Variants in TGFBR3 observed in about 807,000 individuals in gnomAD.
TGFBR3 encodes transforming growth factor beta receptor type 3.
TGFBR3 carries 46 observed loss-of-function variants against 87.9 expected under a neutral mutation model. The ratio of observed to expected loss-of-function variants is 0.52; its 90% CI spans 0.41 to 0.67. TGFBR3 has a LOEUF of 0.67. Ranked by LOEUF, TGFBR3 falls within the 30% of genes least tolerant of loss-of-function variation. The pLI is 0.00. For missense variants in TGFBR3, 866 were observed against 1,041.9 expected, an observed-to-expected ratio of 0.83 and a Z score of 2.32; for synonymous variants, 381 against 391.6, an observed-to-expected ratio of 0.97 and a Z score of 0.32.
intron 4 of TGFBR3, among the ~76,000 whole-genome samples, chr1:91,751,781 T>C (rs1339499519): frequency 1.3e-5 from 2 of 152,258 alleles, no homozygotes; most frequent in African/African-American, 4.8e-5. Flanking sequence ...GATTTGTTTT[T>C]AATCCAAAGC....
intron 1 of TGFBR3, among the ~76,000 whole-genome samples, chr1:91,902,269 TTTTG>T (rs1284948348): frequency 3.9e-5 from 1 of 25,540 alleles, no homozygotes; most frequent in Non-Finnish European, 1.4e-4. Context: ...TTTCCTTTTC[TTTTG>T]TGTGTGTGTG....
intron 2 of TGFBR3, among the ~76,000 whole-genome samples, chr1:91,897,944 T>C (rs555514132): frequency 6.6e-6 from 1 of 152,006 alleles, no homozygotes; most frequent in African/African-American, 2.4e-5. Context: ...TCCCAGGACT[T>C]TGGGAGCCCG....
chr1:91,877,675 A>C (rs1678857346), intron 1 of TGFBR3, among the ~76,000 whole-genome samples: 1 of 152,244 alleles, frequency 6.6e-6, no homozygotes, highest in Non-Finnish European at 1.5e-5. Flanking sequence ...AAATGCAACA[A>C]GTAGGTCATC....
chr1:91,902,776 A>G (rs1316773229), intron 1 of TGFBR3, among the ~76,000 whole-genome samples: 1 of 151,994 alleles, frequency 6.6e-6, no homozygotes, highest in Non-Finnish European at 1.5e-5. Flanking sequence ...CAACATGAAA[A>G]CAAGGCATTT....
intron 16 of TGFBR3, among the ~76,000 whole-genome samples, chr1:91,685,403 A>G (rs1401202349): frequency 6.8e-6 from 1 of 146,252 alleles, no homozygotes; most frequent in Middle Eastern, 3.2e-3. Flanking sequence ...GCTCACTGCA[A>G]CCTCCACCCC....
chr1:91,898,008 C>G (rs1679587011), intron 2 of TGFBR3, among the ~76,000 whole-genome samples: 1 of 149,040 alleles, frequency 6.7e-6, no homozygotes, highest in Non-Finnish European at 1.5e-5. Context: ...GGCAATATAG[C>G]AAGACCTCAG....
chr1:91,739,400 G>A (rs1673074400), intron 4 of TGFBR3, among the ~76,000 whole-genome samples: 2 of 152,236 alleles, frequency 1.3e-5, no homozygotes, highest in South Asian at 4.1e-4. Flanking sequence ...TAAATGCAAA[G>A]TCTTATAGTT....
chr1:91,740,805 C>T (rs1461164049), intron 4 of TGFBR3, among the ~76,000 whole-genome samples: 1 of 152,152 alleles, frequency 6.6e-6, no homozygotes, highest in African/African-American at 2.4e-5. Context: ...ATTTTCATGG[C>T]ATAGCACCCT....
intron 1 of TGFBR3, among the ~76,000 whole-genome samples, chr1:91,868,079 G>A (rs1244425421): frequency 1.3e-5 from 2 of 152,150 alleles, no homozygotes; most frequent in African/African-American, 2.4e-5. Flanking sequence ...CACCACGCCT[G>A]GCTAATTTTT....
chr1:91,874,858 TG>T (rs1678721836), intron 1 of TGFBR3, among the ~76,000 whole-genome samples: 1 of 152,138 alleles, frequency 6.6e-6, no homozygotes, highest in South Asian at 2.1e-4. Context: ...TTCTGGCTAT[TG>T]GGTGGGAACT....
intron 1 of TGFBR3, among the ~76,000 whole-genome samples, chr1:91,901,854 A>C (rs1397015461): frequency 6.6e-6 from 1 of 151,290 alleles, no homozygotes. Context: ...TTGAGGCTGC[A>C]GTGAGCTATA....
At position 91,715,559 on chromosome 1, in the gene TGFBR3, A is replaced by G. The variant is rs541212064; in HGVS notation, c.1866+677T>C. On this transcript the variant is annotated intron_variant, in intron 12 of 16. Transcript: ENST00000212355. ...GTTTGGCACATAATAAATCTGCAGC[A>G]AATGTTAGATGTTGTTATTTCATTA... Among the ~76,000 whole-genome samples, 4 of 152,348 alleles carry G rather than the reference A, an allele frequency of 2.6e-5. No homozygotes were observed. The East Asian group carries it at 7.7e-4, about 29-fold the overall frequency.
chr1:91,720,225 C>G lies in TGFBR3; in HGVS notation c.1081G>C (p.Glu361Gln), dbSNP rs752598480. 6.3e-7 allele frequency: 1 copy of G among 1,589,924 alleles called. No individual in the cohort carries two copies. Among genetic ancestry groups the G allele is most frequent in the South Asian group, 1.1e-5 (1 of 88,626 alleles). Residue 361 changes from glutamate (E) to glutamine (Q), a missense_variant, in exon 9 of 17, where the codon GAG (glutamate) becomes CAG (glutamine). Physicochemically the swap from Glu to Gln is conservative, Grantham distance 29. Coordinates refer to ENST00000212355, the MANE Select transcript of TGFBR3 (RefSeq NM_003243.5). ...FHLRLENNAE[E>Q]MGDEEVHTIP... ...GTGTGGACTTCCTCATCTCCCATCT[C>G]CTCTGCTGGTGAAAGAAGAAGGCAA... is the stretch of plus-strand genomic sequence containing the variant.
chr1:91,806,876 T>C (rs1025745121), intron 2 of TGFBR3, among the ~76,000 whole-genome samples: 24 of 152,336 alleles, frequency 1.6e-4, no homozygotes, highest in Admixed American at 4.6e-4. Context: ...ATTCTGCCCT[T>C]GGGCTGAAAA....
chr1:91,769,106 T>C (rs562083169), intron 3 of TGFBR3, among the ~76,000 whole-genome samples: 1 of 152,298 alleles, frequency 6.6e-6, no homozygotes, highest in Admixed American at 6.5e-5. Context: ...ATCAGTTTCA[T>C]CAATTGTAAC....
rs554908789 is a variant in TGFBR3 at position 91,728,245 on chromosome 1, G to C, written c.738-439C>G. ...TTTGGTGAGTTGGGGGCGGGGTGTTGGGATAAGGGAAGCATGGTGGTAAAA... is the reference window on the plus strand; with the variant it reads ...TTTGGTGAGTTGGGGGCGGGGTGTTCGGATAAGGGAAGCATGGTGGTAAAA... On this transcript the variant is annotated intron_variant, in intron 6 of 16. Coordinates refer to ENST00000212355, the MANE Select transcript of TGFBR3 (RefSeq NM_003243.5). Among the ~76,000 whole-genome samples the C allele has an allele frequency of 9.2e-5, 14 of 151,874 alleles. No individual in the cohort carries two copies. The South Asian group carries it at 2.1e-3, about 23-fold the overall frequency.
rs1045637590 is a variant in TGFBR3 at position 91,740,871 on chromosome 1, T to A, written c.385-5912A>T. ...GATATAAAGAGAATAGCAAAACACA[T>A]AAGAAATGTAGGGAAAATAATTTTG... is the stretch of plus-strand genomic sequence containing the variant. On this transcript the variant is annotated intron_variant, in intron 4 of 16. Transcript: ENST00000212355. Among the ~76,000 whole-genome samples, 8 of 151,998 alleles carry A rather than the reference T, an allele frequency of 5.3e-5. No individual in the cohort carries two copies. The South Asian group carries it at 8.3e-4, about 16-fold the overall frequency.
intron 5 of TGFBR3, among the ~76,000 whole-genome samples, chr1:91,730,950 C>T (rs1174267356): frequency 1.3e-5 from 2 of 152,260 alleles, no homozygotes; most frequent in Non-Finnish European, 2.9e-5. Flanking sequence ...AATCTGAAGA[C>T]ACTCCCACAA....
chr1:91,836,640 T>G (rs574683934), intron 2 of TGFBR3, among the ~76,000 whole-genome samples: 1 of 152,124 alleles, frequency 6.6e-6, no homozygotes, highest in Non-Finnish European at 1.5e-5. Context: ...TGAAACTTTT[T>G]TATATATAAT....
Sources: allele counts gnomAD v4.1 joint callset (sites outside exome capture counted in the v4.1 genomes callset), GRCh38; gene constraint gnomAD v4.1.1; transcripts MANE v1.5; gene names NCBI Gene and HGNC (gene_info 2026-07-23, HGNC 2026-07-21).